The following MRPS9 variants were observed in gnomAD, a reference collection of about 807,000 sequenced individuals.
MRPS9 encodes the protein small ribosomal subunit protein uS9m.
In MRPS9, 45 loss-of-function variants were observed where a neutral mutation model predicts 59.9. The observed-to-expected ratio is 0.75, with a 90% confidence interval of 0.59 to 0.96. MRPS9 has a LOEUF of 0.96. Among genes scored for constraint, MRPS9 ranks in the 40% least tolerant of loss-of-function variants. MRPS9 has a pLI of 0.00. For missense variants in MRPS9, 473 were observed against 481.1 expected (o/e 0.98, Z 0.16); for synonymous variants, 171 against 166.8 (o/e 1.03, Z -0.19).
intron 5 of MRPS9, among the ~76,000 whole-genome samples, chr2:105,083,100 T>C (rs1181224273): frequency 6.6e-6 from 1 of 152,154 alleles, no homozygotes; most frequent in Non-Finnish European, 1.5e-5. Flanking sequence ...CAGTATAACT[T>C]GTTTGCTTTT....
Position 105,089,073 on chromosome 2 carries a change from A to T in MRPS9, c.575+4A>T, listed in dbSNP as rs753508517. 6.2e-7 allele frequency: 1 copy of T among 1,600,424 alleles called. No homozygotes were observed. The highest frequency in any genetic ancestry group is 1.7e-5 in the Admixed American group (1 of 57,632). ...TCCCAGAAAAAACTGTAACCAGGTA[A>T]GCTCTTTTCTTGCATTAAAATATAA... On this transcript the variant is annotated splice_donor_region_variant and intron_variant, in intron 6 of 10. Transcript: ENST00000258455.
At chr2:105,072,807 C>T (rs1680138489) in intron 4 of MRPS9, among the ~76,000 whole-genome samples, 1 of 152,086 alleles carries the variant, frequency 6.6e-6, no homozygotes, top group Non-Finnish European at 1.5e-5. Context: ...TTCCAGTTCA[C>T]TCTTGGAAAT....
At chr2:105,077,561 T>C (rs4851731) in intron 4 of MRPS9, among the ~76,000 whole-genome samples, 62,427 of 152,116 alleles carry the variant, frequency 0.41, 12,847 homozygotes, top group East Asian at 0.45. Flanking sequence ...AACAACCCTA[T>C]TTCATGCAGG....
chr2:105,059,912 C>T (rs1679864095), intron 2 of MRPS9, among the ~76,000 whole-genome samples: 2 of 151,302 alleles, frequency 1.3e-5, no homozygotes, highest in Non-Finnish European at 2.9e-5. Context: ...CACCTTCCCC[C>T]AGTGATTTTC....
At chr2:105,093,758 C>T in intron 9 of MRPS9, 120 bp downstream of exon 9, 2 of 505,474 alleles carry the variant, frequency 4.0e-6, no homozygotes, top group South Asian at 9.3e-5. Flanking sequence ...TTTCTCTTTA[C>T]CAATGTAACA....
chr2:105,092,439 A>T lies in MRPS9; in HGVS notation c.690A>T (p.Thr230=). The change falls in exon 8 of 11, where the codon ACA becomes ACT. Residue 230 remains threonine, a synonymous_variant. Coordinates refer to ENST00000258455, the MANE Select transcript of MRPS9 (RefSeq NM_182640.3). ...QFIRLLEKLL[T]SQCGAAEEEF... Reference sequence around the variant, plus strand: ...TTCGGCTGCTAGAAAAGTTATTGACATCGCAGTGTGGTGCTGCTGAGGAAG... The same window carrying T: ...TTCGGCTGCTAGAAAAGTTATTGACTTCGCAGTGTGGTGCTGCTGAGGAAG... 6.2e-7 allele frequency: 1 copy of T among 1,613,208 alleles called. No homozygotes were observed. The highest frequency in any genetic ancestry group is 8.5e-7 in the Non-Finnish European group (1 of 1,179,818).
intron 1 of MRPS9, among the ~76,000 whole-genome samples, chr2:105,044,442 A>G (rs1287636222): frequency 6.6e-6 from 1 of 152,210 alleles, no homozygotes; most frequent in Non-Finnish European, 1.5e-5. Flanking sequence ...ATATCCTGCT[A>G]CTGATGCTGT....
At position 105,099,859 on chromosome 2, in the gene MRPS9, T is replaced by A; in HGVS notation, c.*98T>A. On this transcript the variant is annotated 3_prime_UTR_variant, in exon 11 of 11. Transcript: ENST00000258455. Reference sequence around the variant, plus strand: ...TGGCTGACCAGCATGAGGGCAGTACTGTCAGAAATTTCTTTGAGCTGTGAG... The same window carrying A: ...TGGCTGACCAGCATGAGGGCAGTACAGTCAGAAATTTCTTTGAGCTGTGAG... 1 of 934,298 alleles carries A rather than the reference T, an allele frequency of 1.1e-6. No homozygotes were observed. The highest frequency in any genetic ancestry group is 1.6e-6 in the Non-Finnish European group (1 of 634,434). 57.9% of individuals were successfully genotyped at this position (934,298 alleles called of 1,614,324 possible).
At chr2:105,039,435 A>G (rs977498430) in intron 1 of MRPS9, among the ~76,000 whole-genome samples, 3 of 151,520 alleles carry the variant, frequency 2.0e-5, no homozygotes, top group African/African-American at 7.3e-5. Flanking sequence ...CATACAGAGT[A>G]TTTTTATTGT....
chr2:105,043,936 A>G (rs1464171877), intron 1 of MRPS9, among the ~76,000 whole-genome samples: 1 of 120,588 alleles, frequency 8.3e-6, no homozygotes. Context: ...CCCGGCTGCA[A>G]TTTTTTTTTT....
intron 4 of MRPS9, among the ~76,000 whole-genome samples, chr2:105,073,697 G>A (rs1007544756): frequency 1.3e-5 from 2 of 152,134 alleles, no homozygotes; most frequent in Non-Finnish European, 2.9e-5. Flanking sequence ...GTCAACAGGA[G>A]CAAAGAGTAG....
At chr2:105,060,430 G>A (rs940421761) in intron 2 of MRPS9, among the ~76,000 whole-genome samples, 7 of 152,008 alleles carry the variant, frequency 4.6e-5, no homozygotes, top group Non-Finnish European at 8.8e-5. Flanking sequence ...TACACGTGGC[G>A]CCACCGCGCC....
chr2:105,091,476 T>C, intron 7 of MRPS9: 2 of 436,630 alleles, frequency 4.6e-6, no homozygotes, highest in Non-Finnish European at 9.7e-6. Flanking sequence ...GCCTTCTCTT[T>C]CATTACATCA....
intron 4 of MRPS9, among the ~76,000 whole-genome samples, chr2:105,071,739 A>C (rs925169687): frequency 5.9e-5 from 9 of 152,182 alleles, no homozygotes; most frequent in African/African-American, 2.2e-4. Context: ...TTGCATTCCA[A>C]TATGTCCTTT....
intron 1 of MRPS9, among the ~76,000 whole-genome samples, chr2:105,047,361 A>G (rs907055512): frequency 4.0e-5 from 6 of 151,804 alleles, no homozygotes; most frequent in African/African-American, 1.5e-4. Context: ...GTTTAAAAAC[A>G]TATATTTTTT....
intron 5 of MRPS9, among the ~76,000 whole-genome samples, chr2:105,082,072 C>T (rs888320357): frequency 2.0e-5 from 3 of 152,210 alleles, no homozygotes; most frequent in African/African-American, 4.8e-5. Context: ...CCTGTCTGCA[C>T]TCTCTTTGTT....
At chr2:105,099,503 A>G (rs1387316713) in intron 10 of MRPS9, among the ~76,000 whole-genome samples, 167 bp from the exon 11 acceptor site, 1 of 152,144 alleles carries the variant, frequency 6.6e-6, no homozygotes, top group Non-Finnish European at 1.5e-5. Context: ...AGTGGAAGCA[A>G]ACTGCCATCA....
At chr2:105,039,240 A>C (rs908517242) in intron 1 of MRPS9, among the ~76,000 whole-genome samples, 10 of 148,958 alleles carry the variant, frequency 6.7e-5, no homozygotes, top group Non-Finnish European at 4.5e-5. Flanking sequence ...AAAAAAAAAA[A>C]CATCTTTTTG....
At chr2:105,043,612 T>C (rs1390467224) in intron 1 of MRPS9, among the ~76,000 whole-genome samples, 1 of 152,098 alleles carries the variant, frequency 6.6e-6, no homozygotes, top group Non-Finnish European at 1.5e-5. Context: ...TCTTTCCTTT[T>C]TTTTAGAATT....
Sources: gnomAD v4.1 joint callset for allele counts (sites outside exome capture counted in the v4.1 genomes callset) on GRCh38, gnomAD v4.1.1 for gene constraint, MANE v1.5 for transcripts, NCBI Gene and HGNC (gene_info 2026-07-23, HGNC 2026-07-21) for gene names.